The following TSHR variants were observed in gnomAD, a reference collection of about 807,000 sequenced individuals.
TSHR encodes the protein thyrotropin receptor.
TSHR carries 51 observed loss-of-function variants against 64.1 expected under a neutral mutation model. That is an observed-to-expected ratio of 0.80 (90% confidence interval 0.64 to 1.01). The LOEUF (loss-of-function observed/expected upper bound fraction) is 1.01. TSHR is among the 50% of genes least tolerant of loss of function. TSHR has a pLI of 0.00. For synonymous variants in TSHR, 361 were observed against 361.9 expected, an observed-to-expected ratio of 1.00 and a Z score of 0.03; for missense variants, 877 against 942.8, an observed-to-expected ratio of 0.93 and a Z score of 0.91.
intron 3 of TSHR, among the ~76,000 whole-genome samples, chr14:81,086,738 G>A (rs1888312224): frequency 1.3e-5 from 2 of 152,168 alleles, no homozygotes; most frequent in African/African-American, 4.8e-5. Context: ...GGGCTATTCA[G>A]AAATAAAAAG....
rs578044440 is a variant in TSHR at position 81,044,843 on chromosome 14, A to C, written c.171-17305A>C. Among the ~76,000 whole-genome samples the C allele has an allele frequency of 1.0e-3, 159 of 152,284 alleles. 1 individual carries two copies. The highest frequency in any genetic ancestry group is 1.9e-3 in the Non-Finnish European group (127 of 68,022). On this transcript the variant is annotated intron_variant, in intron 1 of 9. Coordinates refer to ENST00000298171, the MANE Select transcript of TSHR (RefSeq NM_000369.5). The stretch of plus-strand genomic sequence containing the variant: ...AACTATTGTGGAAGACTGTGTGGTG[A>C]TTCCTCAACAATGTAGAGGCAGAAA...
Position 81,143,166 on chromosome 14 carries a change from C to T in TSHR, c.1108C>T (p.Leu370Phe), listed in dbSNP as rs1891771840. 1 of 1,613,986 alleles carries T rather than the reference C, an allele frequency of 6.2e-7. No homozygotes were observed. The highest frequency in any genetic ancestry group is 1.3e-5 in the African/African-American group (1 of 74,882). ...EDEIIGFGQE[L>F]KNPQEETLQA... Reference sequence around the variant, plus strand: ...TGAGATCATTGGTTTTGGCCAGGAGCTCAAAAACCCCCAGGAAGAGACTCT... The same window carrying T: ...TGAGATCATTGGTTTTGGCCAGGAGTTCAAAAACCCCCAGGAAGAGACTCT... Residue 370 changes from leucine to phenylalanine, a missense_variant, in exon 10 of 10, where the codon CTC becomes TTC. Coordinates refer to ENST00000298171, the MANE Select transcript of TSHR (RefSeq NM_000369.5).
At chr14:81,142,650 C>A (rs371424102) in intron 9 of TSHR, among the ~76,000 whole-genome samples, 7 of 147,486 alleles carry the variant, frequency 4.7e-5, no homozygotes, top group African/African-American at 1.8e-4. Flanking sequence ...ACTCTGTCAT[C>A]CAGGCTAGAG....
intron 1 of TSHR, 80 bp from the exon 2 acceptor site, chr14:81,062,068 T>G (rs17111401): frequency 1.6e-6 from 2 of 1,227,798 alleles, no homozygotes; most frequent in Admixed American, 1.9e-5. Flanking sequence ...GCTTTTTAAT[T>G]ATGTGTTTTT....
In TSHR at chr14:81,096,081, A is replaced by G. The variant is rs1889164944; in HGVS notation, c.546-558A>G. Among the ~76,000 whole-genome samples the G allele has an allele frequency of 2.6e-5, 4 of 151,866 alleles. No homozygotes were observed. In the South Asian group the frequency reaches 6.2e-4, roughly 24 times the overall value. On this transcript the variant is annotated intron_variant, in intron 6 of 9. Transcript: ENST00000298171. Reference sequence around the variant, plus strand: ...AAAAATCCATAAGAGGACATGGTCTATCTACTTTCTTAGATTCATCTATGA... The same window carrying G: ...AAAAATCCATAAGAGGACATGGTCTGTCTACTTTCTTAGATTCATCTATGA...
chr14:80,982,572 G>C (rs1888228638), intron 1 of TSHR: 1 of 1,000,514 alleles, frequency 1.0e-6, no homozygotes, highest in African/African-American at 1.7e-5. Context: ...CTGTGAGTAG[G>C]ATAGTTAGAT....
chr14:81,077,500 T>A (rs993331920), intron 3 of TSHR, among the ~76,000 whole-genome samples: 2 of 152,218 alleles, frequency 1.3e-5, no homozygotes, highest in African/African-American at 4.8e-5. Flanking sequence ...TATATACTCA[T>A]TTAATCCTCA....
chr14:81,072,249 C>G (rs1189229326), intron 3 of TSHR, among the ~76,000 whole-genome samples: 1 of 152,140 alleles, frequency 6.6e-6, no homozygotes, highest in Non-Finnish European at 1.5e-5. Context: ...ATCATGGTAA[C>G]TGAACTTCAT....
intron 1 of TSHR, 148 bp downstream of exon 1, chr14:80,955,998 G>A: frequency 1.1e-6 from 1 of 951,758 alleles, no homozygotes; most frequent in South Asian, 1.4e-5. Flanking sequence ...GTGTAGATGT[G>A]TGTGTGTGCT....
intron 9 of TSHR, among the ~76,000 whole-genome samples, chr14:81,141,824 T>C (rs896691737): frequency 2.6e-5 from 4 of 152,218 alleles, no homozygotes; most frequent in Non-Finnish European, 4.4e-5. Context: ...CCATGGGTTT[T>C]TCAGGCAATG....
intron 8 of TSHR, among the ~76,000 whole-genome samples, chr14:81,126,373 A>G (rs2268476): frequency 0.31 from 46,605 of 152,066 alleles, 8,047 homozygotes; most frequent in East Asian, 0.53. Flanking sequence ...CCAAAACACC[A>G]GGAGCCACTG....
Position 81,144,224 on chromosome 14 carries a change from A to G in TSHR, c.2166A>G (p.Gln722=), listed in dbSNP as rs2140114255. Residue 722 remains glutamine (Q), a synonymous_variant, in exon 10 of 10, where the codon CAA becomes CAG. Coordinates refer to ENST00000298171, the MANE Select transcript of TSHR (RefSeq NM_000369.5). ...AGAACAGCACTGATATTCAGGTTCA[A>G]AAGGTTACCCACGAGATGAGGCAGG... ...PPKNSTDIQV[Q]KVTHEMRQGL... is the part of the protein sequence containing the mutation. The G allele has an allele frequency of 6.2e-7, 1 of 1,613,466 alleles. No individual in the cohort carries two copies. The highest frequency in any genetic ancestry group is 8.5e-7 in the Non-Finnish European group (1 of 1,179,588).
At chr14:80,981,827 A>G (rs1355663859) in intron 1 of TSHR, among the ~76,000 whole-genome samples, 6 of 152,164 alleles carry the variant, frequency 3.9e-5, no homozygotes, top group Non-Finnish European at 8.8e-5. Context: ...CAGAGGCTGC[A>G]TGTTTGGCAA....
rs556254740 is a variant in TSHR, at chr14:81,008,394, C to A, written c.170+52544C>A. Among the ~76,000 whole-genome samples the A allele has an allele frequency of 4.5e-4, 68 of 152,084 alleles. 1 individual carries two copies. In the East Asian group the frequency reaches 0.01, roughly 23 times the overall value. The stretch of plus-strand genomic sequence containing the variant: ...TCACCTTGTTAGCCAGGATGGTCTC[C>A]ATCTCCTGACTTCATGATCTGCCCA... On this transcript the variant is annotated intron_variant, in intron 1 of 9. Coordinates refer to ENST00000298171, the MANE Select transcript of TSHR (RefSeq NM_000369.5).
chr14:81,041,350 G>A (rs780610804), intron 1 of TSHR, among the ~76,000 whole-genome samples: 25 of 152,120 alleles, frequency 1.6e-4, no homozygotes, highest in African/African-American at 1.7e-4. Context: ...AAAAAAGAAC[G>A]AGATCATGTC....
In TSHR at chr14:81,015,734, T is replaced by C. The variant is rs536547699; in HGVS notation, c.171-46414T>C. 7.2e-5 allele frequency among the ~76,000 whole-genome samples: 11 copies of C among 152,272 alleles called. No individual in the cohort carries two copies. In the South Asian group the frequency reaches 2.1e-3, roughly 29 times the overall value. On this transcript the variant is annotated intron_variant, in intron 1 of 9. Transcript: ENST00000298171. ...ATAGATATCTTAAACTTATTCCTCCTGTCTAACCGAAATTTTGTATCCTTT... is the reference window on the plus strand; with the variant it reads ...ATAGATATCTTAAACTTATTCCTCCCGTCTAACCGAAATTTTGTATCCTTT...
At chr14:81,092,873 C>T (rs1401455177) in intron 6 of TSHR, among the ~76,000 whole-genome samples, 1 of 152,190 alleles carries the variant, frequency 6.6e-6, no homozygotes, top group East Asian at 1.9e-4. Context: ...GCATTACAGA[C>T]CATGCAACCT....
chr14:81,057,285 C>A (rs946970257), intron 1 of TSHR, among the ~76,000 whole-genome samples: 5 of 152,054 alleles, frequency 3.3e-5, no homozygotes, highest in African/African-American at 1.2e-4. Context: ...GTGGTGGGTG[C>A]CTGTAATACC....
At chr14:81,099,679 C>T (rs1448394983) in intron 7 of TSHR, among the ~76,000 whole-genome samples, 1 of 152,182 alleles carries the variant, frequency 6.6e-6, no homozygotes, top group Non-Finnish European at 1.5e-5. Context: ...TCGTGAGCTT[C>T]CAGATGAAGT....
Sources: allele counts gnomAD v4.1 joint callset (sites outside exome capture counted in the v4.1 genomes callset), GRCh38; gene constraint gnomAD v4.1.1; transcripts MANE v1.5; gene names NCBI Gene and HGNC (gene_info 2026-07-23, HGNC 2026-07-21).